The following DLGAP2 variants were observed in gnomAD, a reference collection of about 807,000 sequenced individuals.
The protein encoded by DLGAP2 is disks large-associated protein 2.
In DLGAP2, 26 loss-of-function variants were observed where a neutral mutation model predicts 100.3. The observed-to-expected ratio is 0.26, with a 90% CI of 0.19 to 0.36. The LOEUF is 0.36. Ranked by LOEUF, DLGAP2 falls within the 10% of genes least tolerant of loss-of-function variation. DLGAP2 has a pLI of 1.00. For synonymous variants in DLGAP2, 886 were observed against 630.1 expected, an observed-to-expected ratio of 1.41 and a Z score of -6.08; for missense variants, 1,858 against 1,453.2, an observed-to-expected ratio of 1.28 and a Z score of -4.53.
intron 3 of DLGAP2, among the ~76,000 whole-genome samples, chr8:1,439,724 C>T (rs998529487): frequency 3.3e-5 from 5 of 152,154 alleles, no homozygotes; most frequent in Non-Finnish European, 7.3e-5. Context: ...ATCCCCTAGG[C>T]TGCTTTGGAT....
At chr8:1,618,091 A>G (rs1797216230) in intron 6 of DLGAP2, among the ~76,000 whole-genome samples, 1 of 152,220 alleles carries the variant, frequency 6.6e-6, no homozygotes, top group African/African-American at 2.4e-5. Context: ...ATTCTAATGG[A>G]GGTCCTCGCC....
In DLGAP2 at chr8:847,537, C is replaced by T. The variant is rs571488313; in HGVS notation, c.19-60375C>T. 1.5e-4 allele frequency among the ~76,000 whole-genome samples: 22 copies of T among 151,678 alleles called. 1 individual carries two copies. The South Asian group carries it at 2.7e-3, about 19-fold the overall frequency. The stretch of plus-strand genomic sequence containing the variant: ...TTTTTTTCTTTTTGAGACAAGGTCT[C>T]GCTCTGTCACCCAGGCTGGAGTGCA... On this transcript the variant is annotated intron_variant, in intron 1 of 14. Coordinates refer to ENST00000637795, the MANE Select transcript of DLGAP2 (RefSeq NM_001346810.2).
At chr8:1,518,148 G>A (rs575170941) in intron 4 of DLGAP2, among the ~76,000 whole-genome samples, 8 of 152,160 alleles carry the variant, frequency 5.3e-5, no homozygotes, top group Non-Finnish European at 1.0e-4. Context: ...TGAGTGTTAC[G>A]CTTCTGTGTT....
chr8:1,189,394 A>G (rs1797587260), intron 2 of DLGAP2, among the ~76,000 whole-genome samples: 1 of 152,180 alleles, frequency 6.6e-6, no homozygotes, highest in African/African-American at 2.4e-5. Flanking sequence ...AAGACACTGA[A>G]CCATCTGGAG....
At chr8:1,290,070 G>A (rs1398311955) in intron 3 of DLGAP2, among the ~76,000 whole-genome samples, 6 of 152,144 alleles carry the variant, frequency 3.9e-5, no homozygotes, top group Non-Finnish European at 5.9e-5. Context: ...TCTCAGTGAC[G>A]TGATTGGTGT....
intron 2 of DLGAP2, among the ~76,000 whole-genome samples, chr8:950,921 G>A (rs1214360658): frequency 6.6e-6 from 1 of 151,988 alleles, no homozygotes; most frequent in Non-Finnish European, 1.5e-5. Flanking sequence ...ACCGCGCTCG[G>A]CCCTAGAATA....
At chr8:1,463,267 G>C (rs750767556) in intron 3 of DLGAP2, among the ~76,000 whole-genome samples, 1 of 152,196 alleles carries the variant, frequency 6.6e-6, no homozygotes, top group Non-Finnish European at 1.5e-5. Flanking sequence ...AAAAGAAAAA[G>C]ATCAGGGAAG....
At chr8:1,494,898 G>T (rs568418329) in intron 3 of DLGAP2, among the ~76,000 whole-genome samples, 71 of 152,250 alleles carry the variant, frequency 4.7e-4, no homozygotes, top group African/African-American at 1.6e-3. Flanking sequence ...ACTTCCCCAG[G>T]CGTCAATTTC....
chr8:836,777 GC>G (rs1322754266), intron 1 of DLGAP2, among the ~76,000 whole-genome samples: 1 of 152,180 alleles, frequency 6.6e-6, no homozygotes, highest in Non-Finnish European at 1.5e-5. Flanking sequence ...TTAACAAGCT[GC>G]TTATTTAAAG....
intron 2 of DLGAP2, among the ~76,000 whole-genome samples, chr8:1,201,811 T>C (rs1369790606): frequency 1.3e-5 from 2 of 152,152 alleles, no homozygotes; most frequent in East Asian, 3.9e-4. Context: ...TCTGTGTACG[T>C]GTGTGCGGTG....
intron 2 of DLGAP2, among the ~76,000 whole-genome samples, chr8:1,249,022 G>C (rs928194986): frequency 1.2e-4 from 18 of 152,148 alleles, no homozygotes; most frequent in African/African-American, 4.1e-4. Flanking sequence ...TTAGGAGAGA[G>C]GCCCTTTATG....
At chr8:1,328,694 C>G (rs1174396710) in intron 3 of DLGAP2, among the ~76,000 whole-genome samples, 1 of 152,116 alleles carries the variant, frequency 6.6e-6, no homozygotes, top group African/African-American at 2.4e-5. Flanking sequence ...ATTATTCATT[C>G]TTTTTAAAAA....
intron 6 of DLGAP2, among the ~76,000 whole-genome samples, chr8:1,567,749 C>G (rs1802461187): frequency 6.6e-6 from 1 of 152,218 alleles, no homozygotes; most frequent in Non-Finnish European, 1.5e-5. Flanking sequence ...CACACCATCA[C>G]CCAATGTAGT....
chr8:1,620,634 C>T (rs1307452904), intron 6 of DLGAP2: 2 of 152,280 alleles, frequency 1.3e-5, no homozygotes, highest in Admixed American at 1.3e-4. Context: ...TCACCTCTAA[C>T]ACATTCCTCA....
chr8:927,316 A>G (rs1798837764), intron 2 of DLGAP2: 7 of 839,196 alleles, frequency 8.3e-6, no homozygotes, highest in Non-Finnish European at 1.0e-5. Flanking sequence ...TCTTACTTGA[A>G]CATGTTGATT....
intron 2 of DLGAP2, among the ~76,000 whole-genome samples, chr8:1,055,428 G>C (rs1802850504): frequency 6.6e-6 from 1 of 152,094 alleles, no homozygotes; most frequent in Non-Finnish European, 1.5e-5. Context: ...AAGATATCTA[G>C]GTTCCTTACC....
At chr8:1,311,480 G>GA (rs1800612838) in intron 3 of DLGAP2, among the ~76,000 whole-genome samples, 1 of 152,154 alleles carries the variant, frequency 6.6e-6, no homozygotes, top group Non-Finnish European at 1.5e-5. Flanking sequence ...TCATAGAAGA[G>GA]AAAATCACAA....
At chr8:1,662,974 A>T (rs1335678858) in intron 8 of DLGAP2, among the ~76,000 whole-genome samples, 3 of 98,840 alleles carry the variant, frequency 3.0e-5, no homozygotes, top group Admixed American at 1.1e-4. Context: ...GTGGGGTATG[A>T]CTGTGTGTGT....
chr8:1,230,239 A>G (rs1372511208), intron 2 of DLGAP2, among the ~76,000 whole-genome samples: 3 of 152,342 alleles, frequency 2.0e-5, no homozygotes, highest in African/African-American at 7.2e-5. Flanking sequence ...CTGAGAGCCA[A>G]ATCAAGAACG....
Sources: allele counts gnomAD v4.1 joint callset (sites outside exome capture counted in the v4.1 genomes callset), GRCh38; gene constraint gnomAD v4.1.1; transcripts MANE v1.5; gene names NCBI Gene and HGNC (gene_info 2026-07-23, HGNC 2026-07-21).